Variants in NPLOC4 observed in about 807,000 individuals in gnomAD.
NPLOC4 encodes the protein nuclear protein localization protein 4 homolog.
A neutral mutation model predicts 80.6 loss-of-function variants in NPLOC4; 18 were observed. The ratio of observed to expected loss-of-function variants is 0.22; its 90% CI spans 0.15 to 0.33. NPLOC4 has a LOEUF of 0.33. Among genes scored for constraint, NPLOC4 ranks in the 10% least tolerant of loss-of-function variants. NPLOC4 has a pLI of 1.00. For synonymous variants in NPLOC4, 313 were observed against 301.5 expected, an observed-to-expected ratio of 1.04 and a Z score of -0.39; for missense variants, 540 against 786.1, an observed-to-expected ratio of 0.69 and a Z score of 3.74.
chr17:81,630,771 G>A (rs545819543), intron 1 of NPLOC4, among the ~76,000 whole-genome samples: 91 of 152,204 alleles, frequency 6.0e-4, no homozygotes, highest in Non-Finnish European at 1.1e-3. Flanking sequence ...CAGCTACTTG[G>A]GGAGCTGAGG....
intron 12 of NPLOC4, among the ~76,000 whole-genome samples, chr17:81,573,311 G>T (rs1467641090): frequency 1.3e-5 from 2 of 152,164 alleles, no homozygotes. Flanking sequence ...GGTGTGCAGG[G>T]TGACAGGAGG....
intron 12 of NPLOC4, among the ~76,000 whole-genome samples, chr17:81,574,876 AACACACACAC>A (rs71166157): frequency 1.3e-5 from 2 of 148,934 alleles, no homozygotes; most frequent in Non-Finnish European, 3.0e-5. Context: ...CAAACAAACA[AACACACACAC>A]ACACACACAC....
chr17:81,600,331 G>T lies in NPLOC4; in HGVS notation c.921+10C>A, dbSNP rs1297903329. The T allele has an allele frequency of 1.2e-5, 19 of 1,603,778 alleles. No homozygotes were observed. The highest frequency in any genetic ancestry group is 1.5e-5 in the Non-Finnish European group (18 of 1,174,664). On this transcript the variant is annotated intron_variant, in intron 9 of 16. Coordinates refer to ENST00000331134, the MANE Select transcript of NPLOC4 (RefSeq NM_017921.4). ...CACGCCCCCTGCTTGGCTGCCGGAT[G>T]CCTCAGTACCTTCCGCAGGCCAAGT...
chr17:81,575,617 G>A (rs1488109288), intron 12 of NPLOC4, among the ~76,000 whole-genome samples: 1 of 152,224 alleles, frequency 6.6e-6, no homozygotes, highest in African/African-American at 2.4e-5. Flanking sequence ...GGCAAGGACA[G>A]CTGGACAGCT....
At chr17:81,614,703 A>C (rs2035434561) in intron 3 of NPLOC4, among the ~76,000 whole-genome samples, 1 of 152,166 alleles carries the variant, frequency 6.6e-6, no homozygotes, top group Non-Finnish European at 1.5e-5. Flanking sequence ...ACTTGGTGCC[A>C]GGTTTGACTG....
chr17:81,569,177 GCCCAGAGCATCT>G, intron 13 of NPLOC4, 66 bp from the exon 14 acceptor site: 2 of 1,042,318 alleles, frequency 1.9e-6, no homozygotes, highest in Non-Finnish European at 3.0e-6. Context: ...CTCCCAGCCA[GCCCAGAGCATCT>G]CCCAGAGCCC....
intron 8 of NPLOC4, 124 bp from the exon 9 acceptor site, chr17:81,600,551 A>T (rs1370396831): frequency 5.8e-6 from 4 of 691,646 alleles, no homozygotes; most frequent in African/African-American, 5.4e-5. Flanking sequence ...CAGAAAGGAG[A>T]ACTATAGCCA....
intron 12 of NPLOC4, among the ~76,000 whole-genome samples, chr17:81,578,266 G>C (rs1169188685): frequency 6.6e-6 from 1 of 152,150 alleles, no homozygotes; most frequent in Non-Finnish European, 1.5e-5. Context: ...CAGGTACATA[G>C]CTTCAGCAGA....
In NPLOC4 at chr17:81,585,662, G is replaced by C. The variant is rs527612197; in HGVS notation, c.1281+3282C>G. On this transcript the variant is annotated intron_variant, in intron 12 of 16. Coordinates refer to ENST00000331134, the MANE Select transcript of NPLOC4 (RefSeq NM_017921.4). ...GGAGACAGAGGAAGACTCCATTTCT[G>C]GGGGGGGGGGGAAAGAAAGAAATCA... Among the ~76,000 whole-genome samples, 845 of 113,374 alleles carry C rather than the reference G, an allele frequency of 7.5e-3. 11 individuals are homozygous for C. The highest frequency in any genetic ancestry group is 7.9e-3 in the Non-Finnish European group (460 of 58,156). 74.4% of individuals were successfully genotyped at this position (113,374 alleles called of 152,430 possible).
intron 11 of NPLOC4, among the ~76,000 whole-genome samples, chr17:81,595,393 C>T (rs2034874310): frequency 1.4e-5 from 2 of 146,704 alleles, no homozygotes; most frequent in Non-Finnish European, 3.0e-5. Context: ...GAGATTGCGC[C>T]ACTGCACTCC....
chr17:81,635,972 CA>C (rs2036059411), intron 1 of NPLOC4, among the ~76,000 whole-genome samples: 1 of 149,550 alleles, frequency 6.7e-6, no homozygotes, highest in African/African-American at 2.5e-5. Flanking sequence ...GAGTGTGTGA[CA>C]ATTTTTTTTT....
At chr17:81,605,824 C>CTT (rs766106515) in intron 7 of NPLOC4, among the ~76,000 whole-genome samples, 21 of 141,098 alleles carry the variant, frequency 1.5e-4, no homozygotes, top group East Asian at 2.1e-4. Context: ...AACACATTTT[C>CTT]TTTTTTTTTT....
At chr17:81,618,105 T>C (rs2035551750) in intron 3 of NPLOC4, among the ~76,000 whole-genome samples, 2 of 152,016 alleles carry the variant, frequency 1.3e-5, no homozygotes, top group East Asian at 2.0e-4. Flanking sequence ...GGAGCCTCTC[T>C]GCCTGGCCGC....
chr17:81,626,901 C>T (rs2035808851), intron 2 of NPLOC4, among the ~76,000 whole-genome samples: 1 of 136,038 alleles, frequency 7.4e-6, no homozygotes, highest in Middle Eastern at 3.7e-3. Flanking sequence ...ACCAGACTGG[C>T]CAACATAGTG....
intron 13 of NPLOC4, among the ~76,000 whole-genome samples, chr17:81,570,559 C>T (rs2034135328): frequency 6.6e-6 from 1 of 152,240 alleles, no homozygotes; most frequent in Non-Finnish European, 1.5e-5. Flanking sequence ...CCAAAGTCCA[C>T]ACAGCCCATC....
At chr17:81,625,232 C>T (rs913820509) in intron 2 of NPLOC4, among the ~76,000 whole-genome samples, 3 of 152,126 alleles carry the variant, frequency 2.0e-5, no homozygotes, top group African/African-American at 7.2e-5. Flanking sequence ...GAGGTAACAC[C>T]TGTGCAGGGA....
At chr17:81,563,991 G>A in intron 16 of NPLOC4, 1 of 450,016 alleles carries the variant, frequency 2.2e-6, no homozygotes, top group Non-Finnish European at 4.5e-6. Context: ...TGAGGGAGGG[G>A]AATTGCTTCA....
In NPLOC4 at chr17:81,557,877, T is replaced by C. The variant is rs11541225; in HGVS notation, c.*1382A>G. 0.091 allele frequency: 13,909 copies of C among 152,282 alleles called. 1,150 individuals carry two copies. Among genetic ancestry groups the C allele is most frequent in the African/African-American group, 0.22 (8,953 of 41,496 alleles). The allele number at this position is 152,282 out of a possible 1,614,324, so 9.4% of individuals were successfully genotyped here. On this transcript the variant is annotated 3_prime_UTR_variant, in exon 17 of 17. Coordinates refer to ENST00000331134, the MANE Select transcript of NPLOC4 (RefSeq NM_017921.4). ...CAGGCGGACCTGGAGGTGTCAGCCA[T>C]GGCCCTGACCACTTCAGAAGCCAAC...
intron 12 of NPLOC4, among the ~76,000 whole-genome samples, chr17:81,581,316 T>TC (rs1346924958): frequency 4.1e-5 from 5 of 122,382 alleles, no homozygotes; most frequent in African/African-American, 1.6e-4. Flanking sequence ...GCCACTGCAT[T>TC]CCAGCCTGGG....
Sources: gnomAD v4.1 joint callset for allele counts (sites outside exome capture counted in the v4.1 genomes callset) on GRCh38, gnomAD v4.1.1 for gene constraint, MANE v1.5 for transcripts, NCBI Gene and HGNC (gene_info 2026-07-23, HGNC 2026-07-21) for gene names.